The following L3MBTL1 variants were observed in gnomAD, a reference collection of about 807,000 sequenced individuals.
L3MBTL1 encodes L3MBTL histone methyl-lysine binding protein 1.
Under a neutral mutation model 105.3 loss-of-function variants are expected in L3MBTL1, and 75 were observed. That is an observed-to-expected ratio of 0.71 (90% CI 0.59 to 0.86). The LOEUF (loss-of-function observed/expected upper bound fraction) is 0.86. Ranked by LOEUF, L3MBTL1 falls within the 40% of genes least tolerant of loss-of-function variation. L3MBTL1 has a pLI of 0.00. For synonymous variants in L3MBTL1, 452 were observed against 436.2 expected (o/e 1.04, Z -0.45); for missense variants, 1,069 against 1,126.4 (o/e 0.95, Z 0.73).
intron 7 of L3MBTL1, among the ~76,000 whole-genome samples, chr20:43,527,979 G>A (rs1187943954): frequency 6.6e-6 from 1 of 152,114 alleles, no homozygotes; most frequent in African/African-American, 2.4e-5. Context: ...TGCAACTTCT[G>A]CCTCCCAGGT....
chr20:43,524,076 C>T (rs1233045554), intron 7 of L3MBTL1, among the ~76,000 whole-genome samples: 4 of 151,608 alleles, frequency 2.6e-5, no homozygotes, highest in Admixed American at 2.6e-4. Flanking sequence ...ATCCTCCTAC[C>T]TCAGCCTCCC....
intron 1 of L3MBTL1, among the ~76,000 whole-genome samples, chr20:43,512,540 TAAATA>T (rs1030866192): frequency 2.0e-5 from 3 of 152,158 alleles, no homozygotes; most frequent in Non-Finnish European, 4.4e-5. Context: ...TAATTAAAAT[TAAATA>T]AAATAAAAAA....
intron 17 of L3MBTL1, 55 bp from the exon 18 acceptor site, chr20:43,536,042 G>A: frequency 6.3e-7 from 1 of 1,597,892 alleles, no homozygotes; most frequent in South Asian, 1.1e-5. Flanking sequence ...CAGGGCTGAG[G>A]AGGGCTCAGC....
rs190254894 is a variant in L3MBTL1 at position 43,530,736 on chromosome 20, G to A, written c.1193-62G>A. 207 of 1,458,142 alleles carry A rather than the reference G, an allele frequency of 1.4e-4. No homozygotes were observed. In the African/African-American group the frequency reaches 2.6e-3, roughly 18 times the overall value. 90.3% of individuals were successfully genotyped at this position (1,458,142 alleles called of 1,614,324 possible). On this transcript the variant is annotated intron_variant, in intron 10 of 21. Transcript: ENST00000418998. ...GCCTGATTCTGCTGCTTCACTGTGG[G>A]GTGCCCTTGCTGTGGCCCAGCCTCT...
intron 7 of L3MBTL1, among the ~76,000 whole-genome samples, chr20:43,519,696 C>G (rs371906907): frequency 7.9e-5 from 12 of 152,264 alleles, no homozygotes; most frequent in Middle Eastern, 3.4e-3. Context: ...AGTAGTGATT[C>G]ACAATGCAGT....
chr20:43,519,042 A>C (rs1301306489), intron 7 of L3MBTL1, among the ~76,000 whole-genome samples: 1 of 150,092 alleles, frequency 6.7e-6, no homozygotes, highest in African/African-American at 2.5e-5. Context: ...AAAAAAAAGA[A>C]AAAAAAGAAT....
At position 43,513,973 on chromosome 20, in the gene L3MBTL1, G is replaced by T; in HGVS notation, c.272G>T (p.Ser91Ile). Reference protein sequence around the residue: ...PVSATVLPQLSAGPASSSTST... With the variant: ...PVSATVLPQLIAGPASSSTST... The stretch of plus-strand genomic sequence containing the variant: ...TCTGCCACCGTCCTGCCGCAGCTTA[G>T]CGCCGGGCCGGCCAGCTCCAGCACC... The change falls in exon 3 of 22, where the codon AGC becomes ATC. Residue 91 changes from serine to isoleucine, a missense_variant. Ser to Ile is a moderately radical substitution (Grantham distance 142). Transcript: ENST00000418998. 4 of 1,547,378 alleles carry T rather than the reference G, an allele frequency of 2.6e-6. No homozygotes were observed. The highest frequency in any genetic ancestry group is 2.6e-6 in the Non-Finnish European group (3 of 1,146,916).
At chr20:43,520,748 CAG>C (rs1002016637) in intron 7 of L3MBTL1, among the ~76,000 whole-genome samples, 1 of 152,068 alleles carries the variant, frequency 6.6e-6, no homozygotes, top group African/African-American at 2.4e-5. Flanking sequence ...GTTTAAAAAA[CAG>C]ATTTTATATT....
Position 43,540,986 on chromosome 20 carries a change from T to C in L3MBTL1, c.2447T>C (p.Val816Ala), listed in dbSNP as rs2019887124. The C allele has an allele frequency of 6.2e-7, 1 of 1,614,168 alleles. No homozygotes were observed. The highest frequency in any genetic ancestry group is 1.6e-4 in the Middle Eastern group (1 of 6,062). Residue 816 changes from valine to alanine, a missense_variant, in exon 22 of 22, where the codon GTG (valine) becomes GCG (alanine). Coordinates refer to ENST00000418998, the MANE Select transcript of L3MBTL1 (RefSeq NM_001377303.1). Reference protein sequence around the residue: ...HVSGKTLVWTVAQLGDLVCSD... With the variant: ...HVSGKTLVWTAAQLGDLVCSD... ...TCTGGGAAGACTCTAGTCTGGACTG[T>C]GGCCCAGCTTGGGGACCTTGTGTGC...
chr20:43,548,099 G>A lies in L3MBTL1; in HGVS notation c.2125-12G>A, dbSNP rs114452327. On this transcript the variant is annotated splice_polypyrimidine_tract_variant and intron_variant, in intron 18 of 18. Coordinates refer to the L3MBTL1 transcript ENST00000422861. ...CTTCTCCACTTTCCACCTCCCTCCC[G>A]CAACCCCTCAGATGATTGACGGCGA... 1.6e-3 allele frequency: 1,892 copies of A among 1,180,506 alleles called. 23 individuals carry two copies. In the African/African-American group the frequency reaches 0.031, roughly 19 times the overall value. 73.1% of individuals were successfully genotyped at this position (1,180,506 alleles called of 1,614,324 possible).
At chr20:43,527,755 T>C (rs2145437704) in intron 7 of L3MBTL1, among the ~76,000 whole-genome samples, 1 of 152,016 alleles carries the variant, frequency 6.6e-6, no homozygotes, top group East Asian at 1.9e-4. Context: ...GGGCTCCCTC[T>C]GTCACCCAGA....
At chr20:43,509,835 C>T (rs1034237724) in intron 1 of L3MBTL1, among the ~76,000 whole-genome samples, 1 of 152,116 alleles carries the variant, frequency 6.6e-6, no homozygotes, top group African/African-American at 2.4e-5. Context: ...TCTTAACTGC[C>T]AGTGTTTCAA....
At chr20:43,550,266 G>A (rs1336718434) in exon 19 of L3MBTL1, 2 of 152,192 alleles carry the variant, frequency 1.3e-5, no homozygotes, top group African/African-American at 4.8e-5. Flanking sequence ...CTCACGGCTG[G>A]TGCTGTGGGA....
Position 43,541,383 on chromosome 20 carries a change from T to A in L3MBTL1, c.*255T>A. ...CTGTAAAATGGAGATAAAATGGGTT[T>A]AATGAGGTCTACCTTGCAGAGCCAT... On this transcript the variant is annotated 3_prime_UTR_variant, in exon 22 of 22. Transcript: ENST00000418998. 1 of 536,862 alleles carries A rather than the reference T, an allele frequency of 1.9e-6. No individual in the cohort carries two copies. Among genetic ancestry groups the A allele is most frequent in the Non-Finnish European group, 3.1e-6 (1 of 320,220 alleles). The allele number at this position is 536,862 out of a possible 1,614,324, so 33.3% of individuals were successfully genotyped here.
intron 15 of L3MBTL1, 115 bp from the exon 16 acceptor site, chr20:43,534,713 G>T: frequency 1.4e-6 from 1 of 712,896 alleles, no homozygotes. Context: ...TTGGCCCCTT[G>T]GTTCTTTCAA....
intron 3 of L3MBTL1, chr20:43,514,365 A>G: frequency 2.3e-6 from 3 of 1,328,450 alleles, no homozygotes; most frequent in Non-Finnish European, 3.0e-6. Context: ...CGTGGCTTAG[A>G]GTGGGGTACC....
Position 43,515,290 on chromosome 20 carries a change from A to G in L3MBTL1, c.654-2A>G, listed in dbSNP as rs2018329442. On this transcript the variant is annotated splice_acceptor_variant, in intron 5 of 21. Transcript: ENST00000418998. LOFTEE classifies it high-confidence loss of function. ...CTTTCCCTAAGGCTGGCCCTTCCTC[A>G]GGTCAGTCATAGTGGAGAACTCCTC... is the stretch of plus-strand genomic sequence containing the variant. 1.2e-6 allele frequency: 2 copies of G among 1,607,730 alleles called. No homozygotes were observed. Among genetic ancestry groups the G allele is most frequent in the South Asian group, 2.2e-5 (2 of 90,184 alleles).
chr20:43,534,149 G>A lies in L3MBTL1; in HGVS notation c.1599+56G>A. 2.6e-6 allele frequency: 4 copies of A among 1,565,054 alleles called. No homozygotes were observed. The Admixed American group carries it at 5.0e-5, about 20-fold the overall frequency. ...AGCTCAGAAAGACATGGAGCACTCAGCTAGCCAGGCTGGGGCCCTAGCCTT... is the reference window on the plus strand; with the variant it reads ...AGCTCAGAAAGACATGGAGCACTCAACTAGCCAGGCTGGGGCCCTAGCCTT... On this transcript the variant is annotated intron_variant, in intron 14 of 21. Transcript: ENST00000418998.
At chr20:43,547,368 T>A (rs1978685959) in intron 18 of L3MBTL1, among the ~76,000 whole-genome samples, 1 of 152,174 alleles carries the variant, frequency 6.6e-6, no homozygotes, top group Non-Finnish European at 1.5e-5. Context: ...CCTCCCAAAG[T>A]GCTGGGATTA....
Sources: gnomAD v4.1 joint callset for allele counts (sites outside exome capture counted in the v4.1 genomes callset) on GRCh38, gnomAD v4.1.1 for gene constraint, MANE v1.5 for transcripts, NCBI Gene and HGNC (gene_info 2026-07-23, HGNC 2026-07-21) for gene names.